LOXL2: variants seen among roughly 807,000 people sequenced by gnomAD.
LOXL2 encodes lysyl oxidase like 2, also known as lysyl oxidase homolog 2.
In LOXL2, 70 loss-of-function variants were observed where a neutral mutation model predicts 93.0. The ratio of observed to expected loss-of-function variants is 0.75; its 90% CI spans 0.62 to 0.92. LOXL2 has a LOEUF of 0.92. Among genes scored for constraint, LOXL2 ranks in the 40% least tolerant of loss-of-function variants. LOXL2 has a pLI of 0.00. For synonymous variants in LOXL2, 438 were observed against 413.2 expected (o/e 1.06, Z -0.73); for missense variants, 973 against 1,054.9 (o/e 0.92, Z 1.08).
chr8:23,315,295 A>C (rs1227550067), intron 9 of LOXL2, among the ~76,000 whole-genome samples: 1 of 151,496 alleles, frequency 6.6e-6, no homozygotes, highest in African/African-American at 2.4e-5. Flanking sequence ...TAGCATATGC[A>C]GTTGGTGGGG....
chr8:23,328,472 TGTC>T lies in LOXL2; in HGVS notation c.1057_1059del (p.Asp353del), dbSNP rs1397453783. On this transcript the variant is annotated inframe_deletion, in exon 6 of 14. Transcript: ENST00000389131. The stretch of plus-strand genomic sequence containing the variant: ...ACACTGGCCGACACCAGGTCCCACT[TGTC>T]GTCGCAGACGGTCCCCCATTCTCCA... 6 of 1,614,104 alleles carry T rather than the reference TGTC, an allele frequency of 3.7e-6. No homozygotes were observed. In the Admixed American group the frequency reaches 5.0e-5, roughly 13 times the overall value.
chr8:23,304,465 C>T (rs1481560221), intron 10 of LOXL2, among the ~76,000 whole-genome samples: 1 of 152,202 alleles, frequency 6.6e-6, no homozygotes, highest in Non-Finnish European at 1.5e-5. Flanking sequence ...TGCAACTATT[C>T]TATATGCTTG....
intron 1 of LOXL2, among the ~76,000 whole-genome samples, chr8:23,398,579 G>T (rs4639518): frequency 0.63 from 95,872 of 152,002 alleles, 30,624 homozygotes; most frequent in East Asian, 0.74. Context: ...CCTGGTAATA[G>T]TATTTCTGCC....
At chr8:23,334,163 T>C (rs1803751570) in intron 4 of LOXL2, among the ~76,000 whole-genome samples, 1 of 152,166 alleles carries the variant, frequency 6.6e-6, no homozygotes, top group South Asian at 2.1e-4. Flanking sequence ...CTCAGCCTCC[T>C]GAGTAGCTGG....
At chr8:23,306,947 T>G (rs958395970) in intron 10 of LOXL2, among the ~76,000 whole-genome samples, 7 of 152,226 alleles carry the variant, frequency 4.6e-5, no homozygotes, top group South Asian at 2.1e-4. Flanking sequence ...CCTCCAGGTC[T>G]GGTTTTCGAG....
Position 23,349,565 on chromosome 8 carries a change from A to G in LOXL2, c.532-8362T>C, listed in dbSNP as rs372199046. Among the ~76,000 whole-genome samples the G allele has an allele frequency of 2.6e-5, 4 of 151,248 alleles. No homozygotes were observed. The East Asian group carries it at 7.9e-4, about 30-fold the overall frequency. ...TGTGAAGCCCCCTCCCCTGCCCCCA[A>G]ATAGGACGTCCACACGTTTGATTTC... On this transcript the variant is annotated intron_variant, in intron 3 of 13. Transcript: ENST00000389131.
intron 10 of LOXL2, among the ~76,000 whole-genome samples, chr8:23,308,977 T>C (rs1803276947): frequency 7.0e-6 from 1 of 142,430 alleles, no homozygotes; most frequent in Non-Finnish European, 1.5e-5. Flanking sequence ...GTGGAATATA[T>C]ATATATATAT....
intron 6 of LOXL2, among the ~76,000 whole-genome samples, chr8:23,326,520 G>A (rs1193362697): frequency 3.3e-5 from 5 of 152,134 alleles, no homozygotes; most frequent in East Asian, 3.8e-4. Context: ...TTGGGAGACC[G>A]AGGTGGGTGG....
At chr8:23,304,512 A>C (rs1803196561) in intron 10 of LOXL2, among the ~76,000 whole-genome samples, 1 of 152,176 alleles carries the variant, frequency 6.6e-6, no homozygotes, top group Admixed American at 6.5e-5. Context: ...AAATGAGGGA[A>C]ACTGAGGAAC....
chr8:23,298,736 TC>T, intron 13 of LOXL2, 99 bp downstream of exon 13: 2 of 711,556 alleles, frequency 2.8e-6, no homozygotes, highest in East Asian at 5.1e-5. Flanking sequence ...CTGGCTGCAT[TC>T]CCCGAGCTCT....
intron 1 of LOXL2, among the ~76,000 whole-genome samples, chr8:23,398,844 C>T (rs1021450074): frequency 6.6e-6 from 1 of 151,982 alleles, no homozygotes; most frequent in African/African-American, 2.4e-5. Context: ...GACTGGGTCT[C>T]CCTATGTTGC....
intron 1 of LOXL2, among the ~76,000 whole-genome samples, chr8:23,391,615 G>A (rs1197041248): frequency 6.6e-6 from 1 of 152,132 alleles, no homozygotes; most frequent in Non-Finnish European, 1.5e-5. Context: ...CACTTTCAAG[G>A]CGATATTGAA....
At chr8:23,300,569 T>A (rs993662003) in intron 12 of LOXL2, among the ~76,000 whole-genome samples, 1 of 152,218 alleles carries the variant, frequency 6.6e-6, no homozygotes, top group Non-Finnish European at 1.5e-5. Context: ...AGAAGCTCCA[T>A]GTCTATCTTA....
chr8:23,351,811 T>C (rs923753500), intron 3 of LOXL2, among the ~76,000 whole-genome samples: 1 of 152,142 alleles, frequency 6.6e-6, no homozygotes, highest in South Asian at 2.1e-4. Context: ...TCTTAGTAAA[T>C]AGAATCGCGG....
chr8:23,371,558 C>G (rs559714001), intron 1 of LOXL2, among the ~76,000 whole-genome samples: 122 of 151,646 alleles, frequency 8.0e-4, no homozygotes, highest in Non-Finnish European at 1.6e-3. Flanking sequence ...CAAGCCCATC[C>G]CGGCTAACAC....
rs146463627 is a variant in LOXL2, at chr8:23,403,180, G to A, written c.-84+774C>T. Among the ~76,000 whole-genome samples the A allele has an allele frequency of 4.6e-3, 708 of 152,306 alleles. 2 individuals are homozygous for A. The highest frequency in any genetic ancestry group is 0.017 in the African/African-American group (689 of 41,556). On this transcript the variant is annotated intron_variant, in intron 1 of 13. Transcript: ENST00000389131. ...CTGCGTAAAAGTTGTAGGCACTTCA[G>A]ACCACCGGACCAACGGCTCAAGATT...
intron 5 of LOXL2, among the ~76,000 whole-genome samples, chr8:23,332,561 TACAC>T (rs752238417): frequency 5.7e-5 from 3 of 52,288 alleles, no homozygotes; most frequent in Admixed American, 2.9e-4. Context: ...CCCACACTCA[TACAC>T]ACACACCCAC....
chr8:23,300,979 G>A (rs929533826), intron 12 of LOXL2, among the ~76,000 whole-genome samples: 1 of 152,240 alleles, frequency 6.6e-6, no homozygotes, highest in South Asian at 2.1e-4. Flanking sequence ...GGGTGGAAAA[G>A]TGCTTGGCTG....
chr8:23,379,061 G>A (rs1215232517), intron 1 of LOXL2, among the ~76,000 whole-genome samples: 1 of 152,118 alleles, frequency 6.6e-6, no homozygotes, highest in Non-Finnish European at 1.5e-5. Context: ...CCATCTTTGT[G>A]GTTTTATCTA....
Sources: gnomAD v4.1 joint callset for allele counts (sites outside exome capture counted in the v4.1 genomes callset) on GRCh38, gnomAD v4.1.1 for gene constraint, MANE v1.5 for transcripts, NCBI Gene and HGNC (gene_info 2026-07-23, HGNC 2026-07-21) for gene names.